TNRC6A: variants seen among roughly 807,000 people sequenced by gnomAD.
The protein encoded by TNRC6A is trinucleotide repeat-containing gene 6A protein.
A neutral mutation model predicts 221.2 loss-of-function variants in TNRC6A; 44 were observed. The observed-to-expected ratio is 0.20, with a 90% CI of 0.16 to 0.26. TNRC6A has a LOEUF of 0.26. TNRC6A is among the 10% of genes least tolerant of loss of function. The pLI, the probability that TNRC6A is intolerant of heterozygous loss-of-function variation, is 1.00. For synonymous variants in TNRC6A, 847 were observed against 838.5 expected (o/e 1.01, Z -0.18); for missense variants, 2,199 against 2,404.4 (o/e 0.91, Z 1.79).
intron 2 of TNRC6A, among the ~76,000 whole-genome samples, chr16:24,734,936 A>G (rs910352043): frequency 6.6e-6 from 1 of 152,228 alleles, no homozygotes; most frequent in Non-Finnish European, 1.5e-5. Context: ...TTGCATCTAA[A>G]CTGGGACACT....
chr16:24,788,718 C>T (rs1474462170), intron 5 of TNRC6A, among the ~76,000 whole-genome samples: 11 of 151,310 alleles, frequency 7.3e-5, no homozygotes, highest in Non-Finnish European at 1.2e-4. Context: ...GCACTATCTC[C>T]GCTCACTGCA....
At chr16:24,720,312 C>T (rs1004581417) in intron 2 of TNRC6A, among the ~76,000 whole-genome samples, 31 of 146,220 alleles carry the variant, frequency 2.1e-4, no homozygotes, top group African/African-American at 7.4e-4. Context: ...TGAGGCAGGA[C>T]GATCACTTAA....
intron 4 of TNRC6A, among the ~76,000 whole-genome samples, chr16:24,767,257 G>A (rs1352056057): frequency 6.6e-6 from 1 of 152,198 alleles, no homozygotes; most frequent in Non-Finnish European, 1.5e-5. Flanking sequence ...TGTTCAGAAG[G>A]AGGAAAGCAC....
intron 4 of TNRC6A, among the ~76,000 whole-genome samples, chr16:24,773,834 C>T (rs1672148858): frequency 6.6e-6 from 1 of 150,946 alleles, no homozygotes; most frequent in South Asian, 2.1e-4. Flanking sequence ...TTTTCTTAGC[C>T]TTTCTTGGTT....
In TNRC6A at chr16:24,823,330, CTG is replaced by C; in HGVS notation, c.5514-99_5514-98del. 2 of 1,422,378 alleles carry C rather than the reference CTG, an allele frequency of 1.4e-6. No homozygotes were observed. Among genetic ancestry groups the C allele is most frequent in the Admixed American group, 4.2e-5 (2 of 47,512 alleles). 88.1% of individuals were successfully genotyped at this position (1,422,378 alleles called of 1,614,324 possible). ...GGTGTAGTCTCTCCCTCTGTGCCTT[CTG>C]TGGCTTTTCTAGCAGAGACAAGTTG... On this transcript the variant is annotated intron_variant, in intron 24 of 24. Coordinates refer to ENST00000395799, the MANE Select transcript of TNRC6A (RefSeq NM_014494.4). The surrounding 1 kb of genome is among the most constrained non-coding windows in gnomAD (Gnocchi z 4.3).
intron 2 of TNRC6A, among the ~76,000 whole-genome samples, chr16:24,723,304 T>G (rs2056442402): frequency 6.6e-6 from 1 of 151,834 alleles, no homozygotes; most frequent in Non-Finnish European, 1.5e-5. Context: ...CTATTAAGAG[T>G]CCATGGTGGC....
chr16:24,621,341 T>C lies in TNRC6A; in HGVS notation n.276+10857T>C, dbSNP rs576659572. ...TAGTCAAAATTCAGTTACTAGAATA[T>C]GGTCTTTTTTTTTTTTTTTTTTTTT... On this transcript the variant is annotated intron_variant and non_coding_transcript_variant, in intron 1 of 2. Coordinates refer to the TNRC6A transcript ENST00000566108. Among the ~76,000 whole-genome samples, 386 of 141,318 alleles carry C rather than the reference T, an allele frequency of 2.7e-3. 3 individuals carry two copies. Among genetic ancestry groups the C allele is most frequent in the African/African-American group, 9.7e-3 (361 of 37,246 alleles). 92.7% of individuals were successfully genotyped at this position (141,318 alleles called of 152,430 possible). A position where few individuals can be genotyped will look rare whatever the true frequency, so the allele number is the denominator to read the frequency against.
At chr16:24,821,921 C>G (rs1266631505) in intron 22 of TNRC6A, 156 bp from the exon 23 acceptor site, 1 of 687,110 alleles carries the variant, frequency 1.5e-6, no homozygotes, top group Non-Finnish European at 2.6e-6. Flanking sequence ...CTGGCCATGG[C>G]TAGGGCGAGC....
intron 1 of TNRC6A, among the ~76,000 whole-genome samples, chr16:24,634,818 AC>A (rs555670618): frequency 5.3e-4 from 80 of 152,312 alleles, no homozygotes; most frequent in African/African-American, 1.9e-3. Flanking sequence ...GTTCAGTGGC[AC>A]CTGGCCTGTC....
chr16:24,709,511 A>T (rs1334766606), intron 2 of TNRC6A, among the ~76,000 whole-genome samples: 1 of 152,100 alleles, frequency 6.6e-6, no homozygotes, highest in African/African-American at 2.4e-5. Context: ...GGTCAAGGCT[A>T]AGTGAGGAAA....
rs73548963 is a variant in TNRC6A, at chr16:24,740,329, G to A, written c.53+10029G>A. On this transcript the variant is annotated intron_variant, in intron 2 of 24. Transcript: ENST00000395799. Reference sequence around the variant, plus strand: ...TCTATGTGAATTTTTGGATCAGCTTGTCAATTTCAGCAAAAAGGCAGCTGA... The same window carrying A: ...TCTATGTGAATTTTTGGATCAGCTTATCAATTTCAGCAAAAAGGCAGCTGA... Among the ~76,000 whole-genome samples the A allele has an allele frequency of 7.5e-3, 1,136 of 152,260 alleles. 11 individuals are homozygous for A. Among genetic ancestry groups the A allele is most frequent in the African/African-American group, 0.025 (1,054 of 41,544 alleles).
chr16:24,823,713 C>G lies in TNRC6A; in HGVS notation c.5795C>G (p.Pro1932Arg). The G allele has an allele frequency of 1.9e-6, 3 of 1,560,250 alleles. No individual in the cohort carries two copies. In the East Asian group the frequency reaches 6.9e-5, roughly 36 times the overall value. The change falls in exon 25 of 25, where the codon CCA becomes CGA. Residue 1932 changes from proline (P) to arginine (R), a missense_variant. By Grantham distance (103) the Pro-to-Arg change is moderately radical. Transcript: ENST00000395799. This position sits in a 1 kb window ranked among gnomAD's most constrained non-coding sequence, Gnocchi z 4.3. ...PHYSTSLWGPPSSSDPRGISS... is the reference protein window; with the variant it reads ...PHYSTSLWGPRSSSDPRGISS... ...TATTCCACAAGCCTGTGGGGTCCCC[C>G]AAGCAGCAGCGACCCCCGAGGAATT...
intron 2 of TNRC6A, among the ~76,000 whole-genome samples, chr16:24,653,231 G>A (rs895480656): frequency 2.0e-5 from 3 of 152,092 alleles, no homozygotes; most frequent in African/African-American, 7.2e-5. Flanking sequence ...ATAAACAAGG[G>A]AGCGTTCACC....
intron 1 of TNRC6A, among the ~76,000 whole-genome samples, chr16:24,615,888 A>G (rs1273235588): frequency 8.2e-6 from 1 of 122,528 alleles, no homozygotes; most frequent in Non-Finnish European, 1.6e-5. Flanking sequence ...ATACCCCTAC[A>G]TGCTCTAAAT....
intron 11 of TNRC6A, among the ~76,000 whole-genome samples, chr16:24,799,153 A>G (rs939030063): frequency 6.6e-6 from 1 of 152,196 alleles, no homozygotes; most frequent in Non-Finnish European, 1.5e-5. Flanking sequence ...AGCAGACCAG[A>G]ACTAAGAAAC....
At chr16:24,821,608 G>T (rs1305996679) in intron 22 of TNRC6A, among the ~76,000 whole-genome samples, 1 of 152,162 alleles carries the variant, frequency 6.6e-6, no homozygotes, top group Admixed American at 6.5e-5. Context: ...CAGGGGTCCA[G>T]CAGGAAGGCC....
At chr16:24,813,612 C>G (rs1171841525) in intron 18 of TNRC6A, among the ~76,000 whole-genome samples, 6 of 152,194 alleles carry the variant, frequency 3.9e-5, no homozygotes, top group African/African-American at 9.7e-5. Flanking sequence ...AGTCAGTGGT[C>G]AGCAGATCAT....
In TNRC6A at chr16:24,791,280, A is replaced by AGTG; in HGVS notation, c.2639_2641dup (p.Ser880_Asp881insGly). The AGTG allele has an allele frequency of 6.2e-6, 10 of 1,613,798 alleles. No individual in the cohort carries two copies. Among genetic ancestry groups the AGTG allele is most frequent in the Non-Finnish European group, 7.6e-6 (9 of 1,179,788 alleles). On this transcript the variant is annotated inframe_insertion, in exon 6 of 25. Coordinates refer to ENST00000395799, the MANE Select transcript of TNRC6A (RefSeq NM_014494.4). ...GAAATCCAGCTCAGGAGGTAGTGAC[A>AGTG]GTGACAGGTCCGTTTCCGGTTGGAA... is the stretch of plus-strand genomic sequence containing the variant.
intron 11 of TNRC6A, among the ~76,000 whole-genome samples, chr16:24,802,854 G>A (rs1260514096): frequency 6.6e-6 from 1 of 152,158 alleles, no homozygotes; most frequent in African/African-American, 2.4e-5. Context: ...GGTGAGGAGG[G>A]GTGGTAGAGA....
Sources: gnomAD v4.1 joint callset for allele counts (sites outside exome capture counted in the v4.1 genomes callset) on GRCh38, gnomAD v4.1.1 for gene constraint, Gnocchi (gnomAD v3.1) non-coding constraint, MANE v1.5 for transcripts, NCBI Gene and HGNC (gene_info 2026-07-23, HGNC 2026-07-21) for gene names.